The following SPAG9 variants were observed in gnomAD, a reference collection of about 807,000 sequenced individuals.
SPAG9 encodes sperm associated antigen 9, also known as C-Jun-amino-terminal kinase-interacting protein 4.
Under a neutral mutation model 166.5 loss-of-function variants are expected in SPAG9, and 35 were observed. The ratio of observed to expected loss-of-function variants is 0.21; its 90% CI spans 0.16 to 0.28. The LOEUF (loss-of-function observed/expected upper bound fraction) is 0.28, where lower values mean the gene tolerates loss of function less well. Among genes scored for constraint, SPAG9 ranks in the 10% least tolerant of loss-of-function variants. The probability of loss-of-function intolerance (pLI) is 1.00; values close to 1 mark genes in which losing one functional copy is unlikely to be tolerated. For missense variants in SPAG9, 1,235 were observed against 1,603.3 expected, an observed-to-expected ratio of 0.77 and a Z score of 3.92; for synonymous variants, 534 against 565.5, an observed-to-expected ratio of 0.94 and a Z score of 0.79.
intron 6 of SPAG9, among the ~76,000 whole-genome samples, chr17:51,022,329 G>A (rs989831469): frequency 6.6e-6 from 1 of 151,902 alleles, no homozygotes; most frequent in Non-Finnish European, 1.5e-5. Flanking sequence ...AGTGAGAATA[G>A]GTCATCTATA....
chr17:51,112,370 C>CAAAAAA (rs767699831), intron 1 of SPAG9, among the ~76,000 whole-genome samples: 1 of 38,564 alleles, frequency 2.6e-5, no homozygotes, highest in Non-Finnish European at 5.6e-5. Flanking sequence ...CCCATCTCTA[C>CAAAAAA]AAAAAAAAAA....
intron 4 of SPAG9, among the ~76,000 whole-genome samples, chr17:51,043,501 C>A (rs1169724395): frequency 1.3e-5 from 2 of 152,006 alleles, no homozygotes; most frequent in East Asian, 3.9e-4. Flanking sequence ...TTTTAAAATG[C>A]CCTTTCTTTC....
At chr17:51,076,897 A>T (rs2047985061) in intron 2 of SPAG9, among the ~76,000 whole-genome samples, 1 of 151,924 alleles carries the variant, frequency 6.6e-6, no homozygotes, top group Non-Finnish European at 1.5e-5. Flanking sequence ...ATAGTGGCTC[A>T]TGTCTGAAAT....
In SPAG9 at chr17:51,047,397, A is replaced by C. The variant is rs375018203; in HGVS notation, c.568T>G (p.Ser190Ala). 1.9e-6 allele frequency: 3 copies of C among 1,586,898 alleles called. No individual in the cohort carries two copies. Among genetic ancestry groups the C allele is most frequent in the African/African-American group, 1.4e-5 (1 of 73,830 alleles). The change falls in exon 4 of 30, where the codon TCC (serine) becomes GCC (alanine). Residue 190 changes from serine (S) to alanine (A), a missense_variant. Transcript: ENST00000262013. ...HQLSGSDQLE[S>A]TAHSRIRKER... ...TACCTAATTCTACTATGAGCTGTGG[A>C]TTCTAGTTGATCACTCCCTGAGAGC...
chr17:51,060,174 C>T (rs2047464703), intron 2 of SPAG9, among the ~76,000 whole-genome samples: 1 of 151,936 alleles, frequency 6.6e-6, no homozygotes, highest in African/African-American at 2.4e-5. Context: ...AGCTCTACCT[C>T]CCAATATGAC....
chr17:51,105,726 TG>T (rs2048929956), intron 1 of SPAG9, among the ~76,000 whole-genome samples: 1 of 151,748 alleles, frequency 6.6e-6, no homozygotes, highest in South Asian at 2.1e-4. Flanking sequence ...AAAAATTAGC[TG>T]GGCATGGTGG....
intron 4 of SPAG9, chr17:51,047,008 G>T: frequency 8.2e-7 from 1 of 1,226,272 alleles, no homozygotes; most frequent in Non-Finnish European, 1.1e-6. Context: ...CAGATGGCTA[G>T]CTAACCCTTT....
At chr17:51,078,534 G>A (rs2048077983) in intron 2 of SPAG9, among the ~76,000 whole-genome samples, 1 of 151,946 alleles carries the variant, frequency 6.6e-6, no homozygotes, top group African/African-American at 2.4e-5. Flanking sequence ...GATTCTGAAA[G>A]TTTACAATGC....
intron 5 of SPAG9, among the ~76,000 whole-genome samples, chr17:51,034,472 T>C (rs2046508273): frequency 1.3e-5 from 2 of 151,958 alleles, no homozygotes; most frequent in South Asian, 4.2e-4. Flanking sequence ...CAAAAAAGGA[T>C]GGGGTATGTC....
At chr17:51,038,247 T>C (rs909349693) in intron 5 of SPAG9, among the ~76,000 whole-genome samples, 1 of 152,186 alleles carries the variant, frequency 6.6e-6, no homozygotes, top group African/African-American at 2.4e-5. Context: ...TTGTGAGCAC[T>C]GATGCATAGA....
chr17:51,021,855 T>TG (rs1382553894), intron 6 of SPAG9, among the ~76,000 whole-genome samples: 1 of 152,140 alleles, frequency 6.6e-6, no homozygotes, highest in Non-Finnish European at 1.5e-5. Context: ...TAAAACGCCG[T>TG]GGCTCACACC....
At chr17:50,987,047 T>C in intron 22 of SPAG9, 65 bp downstream of exon 22, 1 of 1,478,202 alleles carries the variant, frequency 6.8e-7, no homozygotes, top group Non-Finnish European at 9.2e-7. Flanking sequence ...ATATTTTACT[T>C]ATCTTCTGAT....
intron 29 of SPAG9, among the ~76,000 whole-genome samples, chr17:50,968,404 G>T (rs1597868095): frequency 1.3e-5 from 2 of 152,238 alleles, no homozygotes; most frequent in East Asian, 3.9e-4. Flanking sequence ...TTGAAGCACT[G>T]AGATTTTAAG....
chr17:50,999,535 T>C (rs753799919), intron 14 of SPAG9, 126 bp downstream of exon 14: 1 of 1,459,182 alleles, frequency 6.9e-7, no homozygotes, highest in East Asian at 2.5e-5. Flanking sequence ...ACTTAACCAT[T>C]ACCCCTAGTT....
Position 50,965,007 on chromosome 17 carries a change from T to C in SPAG9, c.*1265A>G, listed in dbSNP as rs1460053780. 1.0e-4 allele frequency: 16 copies of C among 159,748 alleles called. No individual in the cohort carries two copies. Among genetic ancestry groups the C allele is most frequent in the Non-Finnish European group, 4.2e-5 (3 of 71,778 alleles). The allele number at this position is 159,748 out of a possible 1,614,324, so 9.9% of individuals were successfully genotyped here. A position where few individuals can be genotyped will look rare whatever the true frequency, so the allele number is the denominator to read the frequency against. ...AACTCCTGGGCTCAAGCAATCCATC[T>C]GCCTCAGCCTCCTAAAGTGTTGGGA... On this transcript the variant is annotated 3_prime_UTR_variant, in exon 30 of 30. Coordinates refer to ENST00000262013, the MANE Select transcript of SPAG9 (RefSeq NM_001130528.3).
In SPAG9 at chr17:50,996,358, C is replaced by A. The variant is rs3786005; in HGVS notation, c.1968+207G>T. On this transcript the variant is annotated intron_variant, in intron 16 of 29. Coordinates refer to ENST00000262013, the MANE Select transcript of SPAG9 (RefSeq NM_001130528.3). ...AGCCACCCTTTATTGACTCCTCCCC[C>A]CCTCACAGACTCAGAGCATTTCATT... 36 of 556,484 alleles carry A rather than the reference C, an allele frequency of 6.5e-5. No individual in the cohort carries two copies. The East Asian group carries it at 8.2e-4, about 13-fold the overall frequency. 34.5% of individuals were successfully genotyped at this position (556,484 alleles called of 1,614,324 possible).
intron 3 of SPAG9, among the ~76,000 whole-genome samples, chr17:51,054,935 A>G (rs1000919312): frequency 6.6e-6 from 1 of 152,210 alleles, no homozygotes; most frequent in South Asian, 2.1e-4. Context: ...CTAACAGGGA[A>G]AAATTCTACA....
chr17:50,998,203 T>C (rs544585256), intron 15 of SPAG9, among the ~76,000 whole-genome samples: 13 of 151,992 alleles, frequency 8.6e-5, no homozygotes, highest in African/African-American at 2.9e-4. Context: ...AGCTAATTTT[T>C]GTATTTTTAG....
Position 50,985,773 on chromosome 17 carries a change from T to C in SPAG9, c.2945A>G (p.Tyr982Cys). 6.3e-7 allele frequency: 1 copy of C among 1,594,136 alleles called. No homozygotes were observed. The highest frequency in any genetic ancestry group is 8.6e-7 in the Non-Finnish European group (1 of 1,163,184). Reference sequence around the variant, plus strand: ...CCACTGGGCTACAGATGAATGGACATACAAACTGTAAGAACAAAGTCAACA... The same window carrying C: ...CCACTGGGCTACAGATGAATGGACACACAAACTGTAAGAACAAAGTCAACA... The part of the protein sequence containing the change: ...MWLGAQNGCL[Y>C]VHSSVAQWRK... The change falls in exon 23 of 30, where the codon TAT becomes TGT. Residue 982 changes from tyrosine to cysteine, a missense_variant. Transcript: ENST00000262013.
Sources: gnomAD v4.1 joint callset for allele counts (sites outside exome capture counted in the v4.1 genomes callset) on GRCh38, gnomAD v4.1.1 for gene constraint, MANE v1.5 for transcripts, NCBI Gene and HGNC (gene_info 2026-07-23, HGNC 2026-07-21) for gene names.